The following UFL1 variants were observed in gnomAD, a reference collection of about 807,000 sequenced individuals.
UFL1 encodes the protein UFM1 specific ligase 1, also known as E3 UFM1-protein ligase 1.
Under a neutral mutation model 99.3 loss-of-function variants are expected in UFL1, and 78 were observed. That is an observed-to-expected ratio of 0.79 (90% CI 0.65 to 0.95). The LOEUF is 0.95. Among genes scored for constraint, UFL1 ranks in the 40% least tolerant of loss-of-function variants. The probability of loss-of-function intolerance (pLI) is 0.00; values close to 1 mark genes in which losing one functional copy is unlikely to be tolerated. For synonymous variants in UFL1, 335 were observed against 322.2 expected, an observed-to-expected ratio of 1.04 and a Z score of -0.42; for missense variants, 936 against 937.0, an observed-to-expected ratio of 1.00 and a Z score of 0.01.
intron 15 of UFL1, 86 bp from the exon 16 acceptor site, chr6:96,551,347 C>A: frequency 1.4e-6 from 1 of 727,668 alleles, no homozygotes; most frequent in Non-Finnish European, 2.3e-6. Flanking sequence ...CACTCAGGAA[C>A]TTGTTACAGT....
chr6:96,549,717 C>G lies in UFL1; in HGVS notation c.1736C>G (p.Thr579Ser). 1 of 1,612,338 alleles carries G rather than the reference C, an allele frequency of 6.2e-7. No homozygotes were observed. Among genetic ancestry groups the G allele is most frequent in the Non-Finnish European group, 8.5e-7 (1 of 1,178,872 alleles). The change falls in exon 15 of 19, where the codon ACT becomes AGT. Residue 579 changes from threonine (T) to serine (S), a missense_variant. By Grantham distance (58) the Thr-to-Ser change is moderately conservative (BLOSUM62 1). Transcript: ENST00000369278. ...AAACACTTGCTGAAGTCAGTGTGTA[C>G]TGATATCACTAACCTCATTTTCAAC... The part of the protein sequence containing the change: ...LTKHLLKSVC[T>S]DITNLIFNFL...
At chr6:96,551,767 A>G (rs2255552) in intron 16 of UFL1, 71 bp from the exon 17 acceptor site, 374,783 of 1,042,742 alleles carry the variant, frequency 0.36, 74,326 homozygotes, top group African/African-American at 0.77. Flanking sequence ...TTACAAAACA[A>G]TTGTTAAATG....
At chr6:96,529,410 G>A (rs955528926) in intron 6 of UFL1, among the ~76,000 whole-genome samples, 56 of 152,214 alleles carry the variant, frequency 3.7e-4, no homozygotes, top group African/African-American at 1.1e-3. Flanking sequence ...TCTACATTCA[G>A]TGTCTCAGTT....
chr6:96,530,914 C>A (rs1320874869), intron 6 of UFL1, among the ~76,000 whole-genome samples: 1 of 152,236 alleles, frequency 6.6e-6, no homozygotes, highest in Non-Finnish European at 1.5e-5. Context: ...AATCCCCAGG[C>A]TGCCAATCAG....
Position 96,551,470 on chromosome 6 carries a change from C to T in UFL1, c.1856C>T (p.Thr619Ile). The change falls in exon 16 of 19, where the codon ACC becomes ATC. Residue 619 changes from threonine (T) to isoleucine (I), a missense_variant. By Grantham distance (89) the Thr-to-Ile change is moderately conservative. Coordinates refer to ENST00000369278, the MANE Select transcript of UFL1 (RefSeq NM_015323.5). ...ATTTTAAGTAAATTATCAGAAGAAA[C>T]CAAAGTAGCTCTTACAAAACTCCAT... Reference protein sequence around the residue: ...KKILSKLSEETKVALTKLHNS... With the variant: ...KKILSKLSEEIKVALTKLHNS... 6.5e-7 allele frequency: 1 copy of T among 1,534,908 alleles called. No individual in the cohort carries two copies. The highest frequency in any genetic ancestry group is 8.8e-7 in the Non-Finnish European group (1 of 1,138,900).
chr6:96,534,464 A>G (rs1186376162), intron 7 of UFL1, 143 bp downstream of exon 7: 20 of 616,510 alleles, frequency 3.2e-5, no homozygotes, highest in Non-Finnish European at 5.2e-5. Context: ...CTTTGTATCA[A>G]GTTTTATATA....
Position 96,537,624 on chromosome 6 carries a change from A to C in UFL1, c.978+75A>C, listed in dbSNP as rs570737887. 3 of 1,379,968 alleles carry C rather than the reference A, an allele frequency of 2.2e-6. No individual in the cohort carries two copies. In the East Asian group the frequency reaches 8.1e-5, roughly 37 times the overall value. 85.5% of individuals were successfully genotyped at this position (1,379,968 alleles called of 1,614,324 possible). A position where few individuals can be genotyped will look rare whatever the true frequency, so the allele number is the denominator to read the frequency against. On this transcript the variant is annotated intron_variant, in intron 9 of 18. Coordinates refer to ENST00000369278, the MANE Select transcript of UFL1 (RefSeq NM_015323.5). ...TTTACTAATATTTGACCATTTAGAA[A>C]TTAGGATACATAAAGGTGGTCTTGG...
rs202036379 is a variant in UFL1 at position 96,522,794 on chromosome 6, TTTTTG to T, written c.78-332_78-328del. 1,174 of 163,306 alleles carry T rather than the reference TTTTTG, an allele frequency of 7.2e-3. 4 individuals carry two copies. Among genetic ancestry groups the T allele is most frequent in the Middle Eastern group, 0.012 (4 of 344 alleles). The allele number at this position is 163,306 out of a possible 1,614,324, so 10.1% of individuals were successfully genotyped here. On this transcript the variant is annotated intron_variant, in intron 1 of 18. Coordinates refer to ENST00000369278, the MANE Select transcript of UFL1 (RefSeq NM_015323.5). ...CTGATTAAACTGGAAATTAGGGCAT[TTTTTG>T]TTTTGTTTTGTTTTGTTTTTTCTTT...
intron 10 of UFL1, among the ~76,000 whole-genome samples, chr6:96,539,609 CTT>C (rs1434553243): frequency 6.6e-6 from 1 of 151,520 alleles, no homozygotes; most frequent in East Asian, 1.9e-4. Context: ...ATCTGTATGA[CTT>C]TGGACAAATA....
At chr6:96,528,477 T>A in intron 5 of UFL1, 25 bp from the exon 6 acceptor site, 1 of 1,603,088 alleles carries the variant, frequency 6.2e-7, no homozygotes, top group Non-Finnish European at 8.5e-7. Context: ...TTTAAATTAA[T>A]AAAAATGTAC....
At chr6:96,525,475 T>A in intron 4 of UFL1, 81 bp downstream of exon 4, 1 of 979,986 alleles carries the variant, frequency 1.0e-6, no homozygotes, top group Non-Finnish European at 1.6e-6. Flanking sequence ...TTAGGCCAAT[T>A]ATGGCCAGTT....
Position 96,553,329 on chromosome 6 carries a change from G to A in UFL1, c.2211G>A (p.Lys737=). The A allele has an allele frequency of 6.2e-7, 1 of 1,613,766 alleles. No individual in the cohort carries two copies. Among genetic ancestry groups the A allele is most frequent in the Non-Finnish European group, 8.5e-7 (1 of 1,179,804 alleles). ...LLVKYQGLVV[K]QLVSQSKKTG... is the part of the protein sequence containing the mutation. ...TAAAGTATCAAGGTTTGGTTGTAAA[G>A]CAGCTAGTCAGTCAAAGTAAGAAGA... The change falls in exon 19 of 19, where the codon AAG becomes AAA. Residue 737 remains lysine, a synonymous_variant. Transcript: ENST00000369278.
rs9784852 is a variant in UFL1, at chr6:96,554,785, C to T, written c.*1282C>T. The T allele has an allele frequency of 3.3e-5, 5 of 152,430 alleles. No individual in the cohort carries two copies. The highest frequency in any genetic ancestry group is 3.9e-4 in the East Asian group (2 of 5,178). The allele number at this position is 152,430 out of a possible 1,614,324, so 9.4% of individuals were successfully genotyped here. On this transcript the variant is annotated 3_prime_UTR_variant, in exon 19 of 19. Coordinates refer to ENST00000369278, the MANE Select transcript of UFL1 (RefSeq NM_015323.5). ...GCATTATTATTAAACTTGATAGGAA[C>T]GCAACATTAAATTTAAAAATGTTTT...
chr6:96,551,970 C>G lies in UFL1; in HGVS notation c.1985+47C>G, dbSNP rs372425372. The G allele has an allele frequency of 3.1e-5, 43 of 1,369,210 alleles. 1 individual carries two copies. The highest frequency in any genetic ancestry group is 1.4e-4 in the East Asian group (6 of 43,392). The allele number at this position is 1,369,210 out of a possible 1,614,324, so 84.8% of individuals were successfully genotyped here. A position where few individuals can be genotyped will look rare whatever the true frequency, so the allele number is the denominator to read the frequency against. On this transcript the variant is annotated intron_variant, in intron 17 of 18. Coordinates refer to ENST00000369278, the MANE Select transcript of UFL1 (RefSeq NM_015323.5). ...TTTGGAAATGTTCTTAAATGTGGAG[C>G]CTTTCATATCTGAAATTTGAATTTG... is the stretch of plus-strand genomic sequence containing the variant.
intron 7 of UFL1, among the ~76,000 whole-genome samples, 197 bp downstream of exon 7, chr6:96,534,518 C>A (rs531947068): frequency 6.6e-6 from 1 of 150,988 alleles, no homozygotes; most frequent in African/African-American, 2.4e-5. Flanking sequence ...TATTGGTTAG[C>A]CCTAGAGGAG....
intron 1 of UFL1, 93 bp from the exon 2 acceptor site, chr6:96,523,053 T>G: frequency 7.5e-7 from 1 of 1,329,150 alleles, no homozygotes; most frequent in Non-Finnish European, 1.0e-6. Context: ...CTAAACAAAC[T>G]TTTTAAAAGC....
intron 9 of UFL1, 61 bp downstream of exon 9, chr6:96,537,610 T>A: frequency 7.0e-7 from 1 of 1,435,094 alleles, no homozygotes; most frequent in East Asian, 2.6e-5. Context: ...TTACTAATAT[T>A]TGACCATTTA....
At position 96,549,739 on chromosome 6, in the gene UFL1, C is replaced by T; in HGVS notation, c.1758C>T (p.Phe586=). The T allele has an allele frequency of 6.2e-7, 1 of 1,612,240 alleles. No individual in the cohort carries two copies. The highest frequency in any genetic ancestry group is 2.2e-5 in the East Asian group (1 of 44,824). ...SVCTDITNLI[F]NFLASDLMMA... ...GTACTGATATCACTAACCTCATTTTCAACTTCTTAGCTTCGGATTTAATGA... is the reference window on the plus strand; with the variant it reads ...GTACTGATATCACTAACCTCATTTTTAACTTCTTAGCTTCGGATTTAATGA... The change falls in exon 15 of 19, where the codon TTC becomes TTT. Residue 586 remains phenylalanine (F), a synonymous_variant. Transcript: ENST00000369278.
At chr6:96,540,462 G>C in intron 10 of UFL1, 73 bp from the exon 11 acceptor site, 1 of 1,513,382 alleles carries the variant, frequency 6.6e-7, no homozygotes, top group Non-Finnish European at 8.9e-7. Flanking sequence ...TAATTAGTGA[G>C]TATATAAACA....
Sources: gnomAD v4.1 joint callset for allele counts (sites outside exome capture counted in the v4.1 genomes callset) on GRCh38, gnomAD v4.1.1 for gene constraint, MANE v1.5 for transcripts, NCBI Gene and HGNC (gene_info 2026-07-23, HGNC 2026-07-21) for gene names.